The following FXN variants were observed in gnomAD, a reference collection of about 807,000 sequenced individuals.
FXN encodes the protein frataxin.
Under a neutral mutation model 22.4 loss-of-function variants are expected in FXN, and 14 were observed. The observed-to-expected ratio is 0.62, with a 90% confidence interval of 0.41 to 0.98. The LOEUF (loss-of-function observed/expected upper bound fraction) is 0.98, where lower values mean the gene tolerates loss of function less well. FXN is among the 50% of genes least tolerant of loss of function. FXN has a pLI of 0.00. For missense variants in FXN, 267 were observed against 268.4 expected, an observed-to-expected ratio of 0.99 and a Z score of 0.04; for synonymous variants, 120 against 114.1, an observed-to-expected ratio of 1.05 and a Z score of -0.33.
intron 4 of FXN, among the ~76,000 whole-genome samples, chr9:69,071,902 A>G (rs1233391985): frequency 6.6e-6 from 1 of 152,190 alleles, no homozygotes; most frequent in Non-Finnish European, 1.5e-5. Context: ...AAACCAATAT[A>G]ACAACTATTA....
At chr9:69,061,805 C>T (rs969319516) in intron 3 of FXN, among the ~76,000 whole-genome samples, 4 of 151,990 alleles carry the variant, frequency 2.6e-5, no homozygotes, top group Non-Finnish European at 5.9e-5. Context: ...CGATAGTTTA[C>T]TGAGAATGAT....
At position 69,075,193 on chromosome 9, in the gene FXN, C is replaced by T; in HGVS notation, c.*2431C>T. 1.0e-6 allele frequency: 1 copy of T among 983,284 alleles called. No homozygotes were observed. Among genetic ancestry groups the T allele is most frequent in the Non-Finnish European group, 1.2e-6 (1 of 827,986 alleles). The allele number at this position is 983,284 out of a possible 1,614,324, so 60.9% of individuals were successfully genotyped here. ...AGAAAAGGGGCCTGGCACAGTGGCT[C>T]ATGCCTGTAATCCCAGCACTTTGGG... On this transcript the variant is annotated 3_prime_UTR_variant, in exon 5 of 5. Transcript: ENST00000484259.
chr9:69,037,284 A>AAAGAAGAAGAAGAAG (rs193922938), intron 1 of FXN, among the ~76,000 whole-genome samples: 1 of 78,052 alleles, frequency 1.3e-5, no homozygotes, highest in East Asian at 3.1e-4. Flanking sequence ...AAAAAAAAAA[A>AAAGAAGAAGAAGAAG]AAGAAGAAGA....
At chr9:69,039,398 C>G (rs1831616101) in intron 1 of FXN, among the ~76,000 whole-genome samples, 1 of 152,184 alleles carries the variant, frequency 6.6e-6, no homozygotes, top group Non-Finnish European at 1.5e-5. Flanking sequence ...TGGTGACCAC[C>G]ACATGGGACA....
chr9:69,036,104 C>A, intron 1 of FXN, 157 bp downstream of exon 1: 1 of 488,932 alleles, frequency 2.0e-6, no homozygotes, highest in Non-Finnish European at 3.0e-6. Context: ...CGGAAGCGGC[C>A]TTGCAACTCC....
chr9:69,053,512 GATAGATA>G lies in FXN; in HGVS notation c.384+253_384+259del, dbSNP rs1418298569. 2.5e-3 allele frequency among the ~76,000 whole-genome samples: 366 copies of G among 145,190 alleles called. 3 individuals carry two copies. Among genetic ancestry groups the G allele is most frequent in the African/African-American group, 8.7e-3 (332 of 38,118 alleles). ...GGATGGATGGATGGATGGATGGATA[GATAGATA>G]GATAGATAGATAGATAGCTGGATAG... On this transcript the variant is annotated intron_variant, in intron 3 of 4. Coordinates refer to ENST00000484259, the MANE Select transcript of FXN (RefSeq NM_000144.5).
intron 3 of FXN, among the ~76,000 whole-genome samples, chr9:69,056,007 C>T (rs1831950852): frequency 6.6e-6 from 1 of 152,070 alleles, no homozygotes; most frequent in African/African-American, 2.4e-5. Flanking sequence ...CCTCAGCCTC[C>T]CTAGTAGCTG....
In FXN at chr9:69,038,275, C is replaced by T. The variant is rs535682802; in HGVS notation, c.165+2328C>T. Among the ~76,000 whole-genome samples, 8 of 152,264 alleles carry T rather than the reference C, an allele frequency of 5.3e-5. No individual in the cohort carries two copies. In the South Asian group the frequency reaches 1.7e-3, roughly 32 times the overall value. ...TTAATTATTTTAAAGCCCTGACTGTCCTGGATTGACCCTAAGCTCCCCCTG... is the reference window on the plus strand; with the variant it reads ...TTAATTATTTTAAAGCCCTGACTGTTCTGGATTGACCCTAAGCTCCCCCTG... On this transcript the variant is annotated intron_variant, in intron 1 of 4. Transcript: ENST00000484259.
intron 4 of FXN, among the ~76,000 whole-genome samples, chr9:69,071,644 A>G (rs1439795458): frequency 2.6e-5 from 4 of 152,254 alleles, no homozygotes; most frequent in Non-Finnish European, 5.9e-5. Flanking sequence ...TATTCACTGG[A>G]TGAGCTTGAG....
chr9:69,059,391 C>CTTTTTTTTTTTTTTTTTTTTT (rs35159671), intron 3 of FXN, among the ~76,000 whole-genome samples: 2 of 62,996 alleles, frequency 3.2e-5, no homozygotes, highest in Non-Finnish European at 2.6e-5. Context: ...GAGGCAGCAT[C>CTTTTTTTTTTTTTTTTTTTTT]TTTTTTTTTT....
chr9:69,041,579 G>A (rs1831656992), intron 1 of FXN, among the ~76,000 whole-genome samples: 1 of 152,156 alleles, frequency 6.6e-6, no homozygotes, highest in Admixed American at 6.6e-5. Context: ...CAAAAGTGGT[G>A]GTGCCAGTTC....
chr9:69,071,982 C>T (rs1832284727), intron 4 of FXN, among the ~76,000 whole-genome samples: 1 of 152,182 alleles, frequency 6.6e-6, no homozygotes, highest in Admixed American at 6.5e-5. Context: ...AAGGATGTGC[C>T]TAGGTTAGAT....
At chr9:69,042,031 A>C (rs1457197770) in intron 1 of FXN, among the ~76,000 whole-genome samples, 1 of 152,156 alleles carries the variant, frequency 6.6e-6, no homozygotes, top group Non-Finnish European at 1.5e-5. Flanking sequence ...TCATGAGGTC[A>C]GGAGTGAGAC....
chr9:69,061,513 T>C (rs908837308), intron 3 of FXN, among the ~76,000 whole-genome samples: 9 of 152,166 alleles, frequency 5.9e-5, no homozygotes, highest in African/African-American at 2.2e-4. Context: ...GTTGATTCTT[T>C]GAGCTCTTTT....
intron 3 of FXN, 94 bp downstream of exon 3, chr9:69,053,354 A>G (rs1053548786): frequency 1.3e-5 from 19 of 1,424,130 alleles, no homozygotes; most frequent in Admixed American, 1.7e-5. Context: ...CTAAGCATCA[A>G]GTAGCATGTA....
Position 69,046,386 on chromosome 9 carries a change from G to A in FXN, c.167G>A (p.Ser56Asn), listed in dbSNP as rs1831753352. ...GTACTTCTTAACTTTGGCTTTCAGA[G>A]TTCGAACCAACGTGGCCTCAACCAG... Reference protein sequence around the residue: ...IDATCTPRRASSNQRGLNQIW... With the variant: ...IDATCTPRRANSNQRGLNQIW... Residue 56 changes from serine (S) to asparagine (N), a missense_variant and splice_region_variant, in exon 2 of 5, where the codon AGT (serine) becomes AAT (asparagine). Coordinates refer to ENST00000484259, the MANE Select transcript of FXN (RefSeq NM_000144.5). 1.2e-6 allele frequency: 2 copies of A among 1,613,464 alleles called. No homozygotes were observed. The highest frequency in any genetic ancestry group is 2.7e-5 in the African/African-American group (2 of 74,934).
chr9:69,050,221 T>C (rs1831826174), intron 2 of FXN, among the ~76,000 whole-genome samples: 1 of 152,260 alleles, frequency 6.6e-6, no homozygotes, highest in Non-Finnish European at 1.5e-5. Flanking sequence ...GCTGTTCCTA[T>C]AGACAATTCT....
rs762595005 is a variant in FXN, at chr9:69,035,831, A to AGCCCG, written c.53_54insGGCCC (p.Ala21ProfsTer57). 2.6e-5 allele frequency: 40 copies of AGCCCG among 1,512,620 alleles called. No homozygotes were observed. Among genetic ancestry groups the AGCCCG allele is most frequent in the South Asian group, 8.6e-5 (7 of 81,544 alleles). The allele number at this position is 1,512,620 out of a possible 1,614,324, so 93.7% of individuals were successfully genotyped here. ...AGTAGCCGGCCTCCTGGCGTCACCCAGCCCAGCCCAGGCCCAGACCCTCAC... is the reference window on the plus strand; with the variant it reads ...AGTAGCCGGCCTCCTGGCGTCACCCAGCCCGGCCCAGCCCAGGCCCAGACCCTCAC... On this transcript the variant is annotated frameshift_variant, in exon 1 of 5. Coordinates refer to ENST00000484259, the MANE Select transcript of FXN (RefSeq NM_000144.5). LOFTEE classifies it high-confidence loss of function.
chr9:69,037,284 A>AAAAATAAGAAG, intron 1 of FXN, among the ~76,000 whole-genome samples: 1 of 78,060 alleles, frequency 1.3e-5, no homozygotes, highest in Non-Finnish European at 2.5e-5. Context: ...AAAAAAAAAA[A>AAAAATAAGAAG]AAGAAGAAGA....
Sources: gnomAD v4.1 joint callset for allele counts (sites outside exome capture counted in the v4.1 genomes callset) on GRCh38, gnomAD v4.1.1 for gene constraint, MANE v1.5 for transcripts, NCBI Gene and HGNC (gene_info 2026-07-23, HGNC 2026-07-21) for gene names.